Variants in TBC1D30 observed in about 807,000 individuals in gnomAD.
TBC1D30 encodes TBC1 domain family member 30, also known as TBC1 domain family, member 30.
Under a neutral mutation model 63.2 loss-of-function variants are expected in TBC1D30, and 31 were observed. The ratio of observed to expected loss-of-function variants is 0.49; its 90% CI spans 0.37 to 0.66. The LOEUF (loss-of-function observed/expected upper bound fraction) is 0.66. Among genes scored for constraint, TBC1D30 ranks in the 30% least tolerant of loss-of-function variants. The probability of loss-of-function intolerance (pLI) is 0.00; values close to 1 mark genes in which losing one functional copy is unlikely to be tolerated. For synonymous variants in TBC1D30, 307 were observed against 361.5 expected, an observed-to-expected ratio of 0.85 and a Z score of 1.71; for missense variants, 810 against 953.6, an observed-to-expected ratio of 0.85 and a Z score of 1.98.
At chr12:64,830,247 A>T in intron 3 of TBC1D30, 130 bp from the exon 4 acceptor site, 1 of 847,622 alleles carries the variant, frequency 1.2e-6, no homozygotes, top group Non-Finnish European at 1.7e-6. Flanking sequence ...GTAGATTTCT[A>T]CTTATGAGCG....
Position 64,878,349 on chromosome 12 carries a change from A to G in TBC1D30, c.*2561A>G, listed in dbSNP as rs1296128866. ...TATGGACTTGCTATCTTCCCTATGT[A>G]TTGGACACTGTATGCAAACACCAGA... On this transcript the variant is annotated 3_prime_UTR_variant, in exon 12 of 12. Coordinates refer to ENST00000539867, the MANE Select transcript of TBC1D30 (RefSeq NM_015279.2). The G allele has an allele frequency of 6.8e-6, 3 of 441,634 alleles. No homozygotes were observed. The highest frequency in any genetic ancestry group is 1.4e-5 in the Non-Finnish European group (3 of 219,340). The allele number at this position is 441,634 out of a possible 1,614,324, so 27.4% of individuals were successfully genotyped here.
intron 7 of TBC1D30, 137 bp downstream of exon 7, chr12:64,838,988 C>T: frequency 3.7e-6 from 3 of 819,188 alleles, no homozygotes; most frequent in Non-Finnish European, 5.6e-6. Flanking sequence ...CTCCTGAAAT[C>T]TCAGCAGGCT....
At chr12:64,840,028 A>AAAAAAAAAAAAAAAAAAAAAAAAAAAC (rs1875732144) in intron 7 of TBC1D30, among the ~76,000 whole-genome samples, 1 of 141,828 alleles carries the variant, frequency 7.1e-6, no homozygotes, top group African/African-American at 2.6e-5. Context: ...AAAAAAAAAA[A>AAAAAAAAAAAAAAAAAAAAAAAAAAAC]TCCACCAACT....
chr12:64,786,043 G>T (rs753872160), exon 2 of TBC1D30: 144 of 1,284,766 alleles, frequency 1.1e-4, no homozygotes, highest in Non-Finnish European at 1.2e-4. Flanking sequence ...TCACAGAAGA[G>T]AAGTAAGTAC....
At chr12:64,834,689 A>C (rs998417467) in intron 5 of TBC1D30, among the ~76,000 whole-genome samples, 3 of 144,562 alleles carry the variant, frequency 2.1e-5, no homozygotes, top group Non-Finnish European at 4.5e-5. Context: ...GATTACAGGC[A>C]TGAGCCACCG....
chr12:64,866,747 C>A lies in TBC1D30; in HGVS notation c.1152-17C>A. On this transcript the variant is annotated splice_polypyrimidine_tract_variant and intron_variant, in intron 9 of 11. Transcript: ENST00000539867. ...TTTTCTTTGTATATTTCTTTTTTGT[C>A]TTTTATGTTTTCCAAGACGACATAG... 1 of 1,527,394 alleles carries A rather than the reference C, an allele frequency of 6.5e-7. No homozygotes were observed. Among genetic ancestry groups the A allele is most frequent in the Non-Finnish European group, 8.7e-7 (1 of 1,143,666 alleles). The allele number at this position is 1,527,394 out of a possible 1,614,324, so 94.6% of individuals were successfully genotyped here.
chr12:64,814,542 G>A (rs376587429), intron 2 of TBC1D30, among the ~76,000 whole-genome samples: 2 of 152,176 alleles, frequency 1.3e-5, no homozygotes, highest in Admixed American at 6.5e-5. Flanking sequence ...TTAAAATCTA[G>A]TGAAACTAGA....
chr12:64,800,676 G>A (rs535468979), intron 2 of TBC1D30, among the ~76,000 whole-genome samples: 1 of 152,130 alleles, frequency 6.6e-6, no homozygotes, highest in South Asian at 2.1e-4. Flanking sequence ...AGAGAGGGCA[G>A]AACCCTGGGA....
intron 8 of TBC1D30, among the ~76,000 whole-genome samples, chr12:64,859,055 T>G (rs1877559150): frequency 6.6e-6 from 1 of 151,602 alleles, no homozygotes; most frequent in Non-Finnish European, 1.5e-5. Flanking sequence ...TGTGTCTGTG[T>G]GGAGGGGTGC....
At position 64,880,720 on chromosome 12, in the gene TBC1D30, A is replaced by G. The variant is rs1412928004; in HGVS notation, c.*4932A>G. 2 of 152,174 alleles carry G rather than the reference A, an allele frequency of 1.3e-5. No individual in the cohort carries two copies. The highest frequency in any genetic ancestry group is 1.5e-5 in the Non-Finnish European group (1 of 68,030). The allele number at this position is 152,174 out of a possible 1,614,324, so 9.4% of individuals were successfully genotyped here. On this transcript the variant is annotated 3_prime_UTR_variant, in exon 12 of 12. Coordinates refer to ENST00000539867, the MANE Select transcript of TBC1D30 (RefSeq NM_015279.2). The stretch of plus-strand genomic sequence containing the variant: ...AGTGTCACTTGATTCCATTCTCTCC[A>G]TCCCTTCCATCCCAGGCAATCTTTA...
At chr12:64,804,552 TC>T (rs1872755999) in intron 2 of TBC1D30, among the ~76,000 whole-genome samples, 1 of 152,202 alleles carries the variant, frequency 6.6e-6, no homozygotes, top group South Asian at 2.1e-4. Flanking sequence ...AGAGAGGGCA[TC>T]CCTGTCTTGT....
At chr12:64,796,617 GTTATA>G (rs568781312) in intron 2 of TBC1D30, among the ~76,000 whole-genome samples, 7 of 152,214 alleles carry the variant, frequency 4.6e-5, no homozygotes, top group African/African-American at 1.2e-4. Flanking sequence ...TTTGTGTTTA[GTTATA>G]TTATGAGAGA....
At chr12:64,809,247 C>T (rs931838033) in intron 2 of TBC1D30, among the ~76,000 whole-genome samples, 2 of 144,162 alleles carry the variant, frequency 1.4e-5, no homozygotes, top group South Asian at 4.9e-4. Flanking sequence ...ATCCTTTGCC[C>T]CCCTCCCATT....
intron 8 of TBC1D30, among the ~76,000 whole-genome samples, chr12:64,852,564 C>T (rs1261322543): frequency 6.6e-6 from 1 of 152,086 alleles, no homozygotes; most frequent in East Asian, 1.9e-4. Flanking sequence ...GAAAAAGAGG[C>T]GTTCTGGTTT....
intron 1 of TBC1D30, among the ~76,000 whole-genome samples, chr12:64,784,087 C>T (rs1871428226): frequency 6.6e-6 from 1 of 151,744 alleles, no homozygotes; most frequent in Admixed American, 6.6e-5. Context: ...TAAATGTTCT[C>T]TTTTCATTAT....
At chr12:64,848,000 C>T (rs1243541213) in intron 8 of TBC1D30, among the ~76,000 whole-genome samples, 1 of 150,828 alleles carries the variant, frequency 6.6e-6, no homozygotes, top group African/African-American at 2.4e-5. Context: ...CTAGCCGTCA[C>T]TGTGCTTGGG....
intron 11 of TBC1D30, among the ~76,000 whole-genome samples, chr12:64,872,753 A>G (rs1018850641): frequency 6.6e-6 from 1 of 152,228 alleles, no homozygotes; most frequent in African/African-American, 2.4e-5. Context: ...ACAGTTTCAC[A>G]TGGCTGGGGA....
chr12:64,760,397 C>G (rs1423258359), intron 1 of TBC1D30, among the ~76,000 whole-genome samples: 1 of 151,996 alleles, frequency 6.6e-6, no homozygotes, highest in African/African-American at 2.4e-5. Context: ...AACCCCGTCT[C>G]TACTAAAATA....
chr12:64,772,836 A>G (rs982101900), intron 1 of TBC1D30, among the ~76,000 whole-genome samples: 1 of 152,206 alleles, frequency 6.6e-6, no homozygotes, highest in African/African-American at 2.4e-5. Flanking sequence ...AATACAGATG[A>G]GAGACAGAGG....
Sources: gnomAD v4.1 joint callset for allele counts (sites outside exome capture counted in the v4.1 genomes callset) on GRCh38, gnomAD v4.1.1 for gene constraint, MANE v1.5 for transcripts, NCBI Gene and HGNC (gene_info 2026-07-23, HGNC 2026-07-21) for gene names.